Variants in DMXL2 observed in about 807,000 individuals in gnomAD.
The protein encoded by DMXL2 is dmX-like protein 2.
In DMXL2, 103 loss-of-function variants were observed where a neutral mutation model predicts 331.1. The observed-to-expected ratio is 0.31, with a 90% CI of 0.27 to 0.37. DMXL2 has a LOEUF of 0.37. Among genes scored for constraint, DMXL2 ranks in the 10% least tolerant of loss-of-function variants. The pLI is 1.00. For synonymous variants in DMXL2, 1,281 were observed against 1,252.1 expected (o/e 1.02, Z -0.49); for missense variants, 3,171 against 3,642.9 (o/e 0.87, Z 3.33).
In DMXL2 at chr15:51,464,803, C is replaced by A. The variant is rs746562634; in HGVS notation, c.7680G>T (p.Glu2560Asp). 1.2e-6 allele frequency: 2 copies of A among 1,614,128 alleles called. No homozygotes were observed. Among genetic ancestry groups the A allele is most frequent in the East Asian group, 2.2e-5 (1 of 44,866 alleles). The change falls in exon 32 of 44, where the codon GAG becomes GAT. Residue 2560 changes from glutamate (E) to aspartate (D), a missense_variant. Transcript: ENST00000560891. Reference protein sequence around the residue: ...NLENWEQILQEKMDQFEGPPP... With the variant: ...NLENWEQILQDKMDQFEGPPP... ...GTGGACCTTCAAACTGATCCATTTTCTCTTGCAAGATCTGTTCCCAGTTCT... is the reference window on the plus strand; with the variant it reads ...GTGGACCTTCAAACTGATCCATTTTATCTTGCAAGATCTGTTCCCAGTTCT...
At chr15:51,487,318 T>C (rs1028275043) in intron 22 of DMXL2, among the ~76,000 whole-genome samples, 1 of 152,194 alleles carries the variant, frequency 6.6e-6, no homozygotes, top group African/African-American at 2.4e-5. Context: ...CTGCACAGAA[T>C]AAGGAGGTTG....
chr15:51,510,159 C>T (rs1178749068), intron 15 of DMXL2, among the ~76,000 whole-genome samples: 2 of 152,158 alleles, frequency 1.3e-5, no homozygotes, highest in Non-Finnish European at 2.9e-5. Flanking sequence ...GACAAGGATG[C>T]CCTCTCTCAC....
intron 8 of DMXL2, among the ~76,000 whole-genome samples, chr15:51,544,485 A>C (rs2140927656): frequency 6.6e-6 from 1 of 152,244 alleles, no homozygotes; most frequent in East Asian, 1.9e-4. Flanking sequence ...TTTTCATTAT[A>C]AATCACCCAG....
chr15:51,488,616 A>G lies in DMXL2; in HGVS notation c.4983T>C (p.Asn1661=), dbSNP rs768467983. 5.0e-6 allele frequency: 8 copies of G among 1,611,206 alleles called. No individual in the cohort carries two copies. The Admixed American group carries it at 8.5e-5, about 17-fold the overall frequency. Residue 1661 remains asparagine (N), a synonymous_variant, in exon 21 of 44, where the codon AAT becomes AAC. Coordinates refer to ENST00000560891, the MANE Select transcript of DMXL2 (RefSeq NM_001378457.1). ...KVAKASFQRN[N]DALDAALFYL... is the part of the protein sequence containing the mutation. ...AGAATAGTGCAGCATCTAAGGCATC[A>G]TTGTTCCTTTGAAAAGAAGCTTTGG...
chr15:51,452,761 G>A (rs1031134011), intron 41 of DMXL2, among the ~76,000 whole-genome samples: 1 of 152,120 alleles, frequency 6.6e-6, no homozygotes, highest in Admixed American at 6.6e-5. Flanking sequence ...CAGAGGAAAA[G>A]AAGTCATTAT....
At position 51,457,387 on chromosome 15, in the gene DMXL2, G is replaced by T; in HGVS notation, c.8278C>A (p.His2760Asn). 1 of 1,614,210 alleles carries T rather than the reference G, an allele frequency of 6.2e-7. No individual in the cohort carries two copies. Among genetic ancestry groups the T allele is most frequent in the African/African-American group, 1.3e-5 (1 of 75,056 alleles). Residue 2760 changes from histidine (H) to asparagine (N), a missense_variant, in exon 37 of 44, where the codon CAT (histidine) becomes AAT (asparagine). Physicochemically the swap from His to Asn is moderately conservative, Grantham distance 68 (BLOSUM62 1). Around this residue, in one of 7 missense-constraint regions of DMXL2, gnomAD observed 766 missense variants for 940.5 expected, o/e 0.81. Transcript: ENST00000560891. ...SATSYSASQV[H>N]PPSSLPWLGT... is the part of the protein sequence containing the mutation. Reference sequence around the variant, plus strand: ...AGCCATGGCAGAGATGAAGGTGGATGCACCTGACTTGCTGAATAGGATGTT... The same window carrying T: ...AGCCATGGCAGAGATGAAGGTGGATTCACCTGACTTGCTGAATAGGATGTT...
chr15:51,488,699 A>G, intron 20 of DMXL2, 54 bp from the exon 21 acceptor site: 1 of 1,434,484 alleles, frequency 7.0e-7, no homozygotes, highest in East Asian at 2.3e-5. Context: ...ATTACAATCA[A>G]TTAATCAACA....
chr15:51,500,015 C>A lies in DMXL2; in HGVS notation c.3209G>T (p.Arg1070Ile). ...GTATGAACAGCTAACAGCAACTGGT[C>A]TTCCCACAATGCTCACTGTACTGCT... is the stretch of plus-strand genomic sequence containing the variant. ...DNSSTVSIVG[R>I]PVAVSCSYTG... The change falls in exon 18 of 44, where the codon AGA (arginine) becomes ATA (isoleucine). Residue 1070 changes from arginine (R) to isoleucine (I), a missense_variant. Arg to Ile is a moderately conservative substitution (Grantham distance 97). Coordinates refer to ENST00000560891, the MANE Select transcript of DMXL2 (RefSeq NM_001378457.1). 1 of 1,614,148 alleles carries A rather than the reference C, an allele frequency of 6.2e-7. No individual in the cohort carries two copies. Among genetic ancestry groups the A allele is most frequent in the East Asian group, 2.2e-5 (1 of 44,878 alleles).
chr15:51,594,464 C>T (rs1276165683), intron 1 of DMXL2, among the ~76,000 whole-genome samples: 1 of 152,164 alleles, frequency 6.6e-6, no homozygotes, highest in Non-Finnish European at 1.5e-5. Flanking sequence ...GATGGATTCA[C>T]AGCCAAATTC....
intron 32 of DMXL2, 105 bp downstream of exon 32, chr15:51,464,570 G>C: frequency 2.2e-6 from 2 of 898,332 alleles, no homozygotes; most frequent in Non-Finnish European, 3.4e-6. Context: ...TAGGACTGCA[G>C]GTTCAAAATT....
At position 51,498,676 on chromosome 15, in the gene DMXL2, ACTTGAAAGTACC is replaced by A. The variant is rs765776416; in HGVS notation, c.4536_4547del (p.Arg1512_Ser1515del). 1 of 1,614,138 alleles carries A rather than the reference ACTTGAAAGTACC, an allele frequency of 6.2e-7. No individual in the cohort carries two copies. Among genetic ancestry groups the A allele is most frequent in the Admixed American group, 1.7e-5 (1 of 60,012 alleles). On this transcript the variant is annotated inframe_deletion, in exon 18 of 44. Coordinates refer to ENST00000560891, the MANE Select transcript of DMXL2 (RefSeq NM_001378457.1). ...CTGGTAGACTTGAGTGCATAAGATG[ACTTGAAAGTACC>A]CTTGCATGTTCTTGGCCAAAGTAAG...
Position 51,564,169 on chromosome 15 carries a change from TG to T in DMXL2, c.455del (p.Thr152LysfsTer6). 1 of 1,606,882 alleles carries T rather than the reference TG, an allele frequency of 6.2e-7. No individual in the cohort carries two copies. Among genetic ancestry groups the T allele is most frequent in the Non-Finnish European group, 8.5e-7 (1 of 1,177,154 alleles). Reference sequence around the variant, plus strand: ...TCCAATCATTTAAAACAGGAGGAACTGTATTATCAATTTCTTCCTCCTCTTC... The same window carrying T: ...TCCAATCATTTAAAACAGGAGGAACTTATTATCAATTTCTTCCTCCTCTTC... ...ILEEEEEIDN[T>X]VPPVLNDWKC... On this transcript the variant is annotated frameshift_variant, in exon 5 of 44. Transcript: ENST00000560891. LOFTEE classifies it high-confidence loss of function.
At chr15:51,595,088 A>T (rs2052695100) in intron 1 of DMXL2, among the ~76,000 whole-genome samples, 3 of 152,214 alleles carry the variant, frequency 2.0e-5, no homozygotes, top group South Asian at 4.1e-4. Context: ...AGGCAGGAGA[A>T]GGAAATAAAG....
chr15:51,466,663 T>G (rs975669896), intron 29 of DMXL2: 12 of 151,884 alleles, frequency 7.9e-5, no homozygotes, highest in Admixed American at 5.2e-4. Context: ...ATGAAAGCTG[T>G]GAGAGAGCTA....
intron 1 of DMXL2, among the ~76,000 whole-genome samples, chr15:51,598,133 T>C (rs2052960387): frequency 6.6e-6 from 1 of 152,180 alleles, no homozygotes; most frequent in Non-Finnish European, 1.5e-5. Flanking sequence ...AATCTATCAT[T>C]AATCTCCTTT....
At position 51,479,901 on chromosome 15, in the gene DMXL2, A is replaced by G; in HGVS notation, c.6756+47T>C. 3 of 1,343,926 alleles carry G rather than the reference A, an allele frequency of 2.2e-6. No individual in the cohort carries two copies. The East Asian group carries it at 7.4e-5, about 33-fold the overall frequency. 83.3% of individuals were successfully genotyped at this position (1,343,926 alleles called of 1,614,324 possible). ...ATTAAAAGACAGGTATAACATATTT[A>G]CCTTCTCAGGGTGTATAATATCAAA... is the stretch of plus-strand genomic sequence containing the variant. On this transcript the variant is annotated intron_variant, in intron 25 of 43. Transcript: ENST00000560891.
chr15:51,576,963 G>C (rs1354911282), intron 1 of DMXL2, among the ~76,000 whole-genome samples: 1 of 152,178 alleles, frequency 6.6e-6, no homozygotes, highest in Non-Finnish European at 1.5e-5. Flanking sequence ...ACTCTAATGA[G>C]TAAAACCACA....
At chr15:51,557,962 AG>A (rs2049710445) in intron 6 of DMXL2, among the ~76,000 whole-genome samples, 1 of 152,252 alleles carries the variant, frequency 6.6e-6, no homozygotes, top group African/African-American at 2.4e-5. Context: ...TCTGACCCAA[AG>A]GTCCTGTGGA....
At chr15:51,605,420 C>T (rs940028947) in intron 1 of DMXL2, among the ~76,000 whole-genome samples, 4 of 150,866 alleles carry the variant, frequency 2.7e-5, no homozygotes, top group South Asian at 2.1e-4. Flanking sequence ...AGGCTGGTCT[C>T]GAACTCCTGA....
Sources: gnomAD v4.1 joint callset for allele counts (sites outside exome capture counted in the v4.1 genomes callset) on GRCh38, gnomAD v4.1.1 for gene constraint, gnomAD v4.1.1 regional missense constraint, MANE v1.5 for transcripts, NCBI Gene and HGNC (gene_info 2026-07-23, HGNC 2026-07-21) for gene names.